The following ELP3 variants were observed in gnomAD, a reference collection of about 807,000 sequenced individuals.
ELP3 encodes the protein elongator complex protein 3.
ELP3 carries 56 observed loss-of-function variants against 74.9 expected under a neutral mutation model. That is an observed-to-expected ratio of 0.75 (90% CI 0.60 to 0.93). The LOEUF is 0.93. Ranked by LOEUF, ELP3 falls within the 40% of genes least tolerant of loss-of-function variation. The pLI, the probability that ELP3 is intolerant of heterozygous loss-of-function variation, is 0.00. For missense variants in ELP3, 573 were observed against 686.5 expected, an observed-to-expected ratio of 0.83 and a Z score of 1.85; for synonymous variants, 222 against 239.8, an observed-to-expected ratio of 0.93 and a Z score of 0.68.
At chr8:28,180,236 C>T (rs1173470972) in intron 14 of ELP3, among the ~76,000 whole-genome samples, 1 of 152,138 alleles carries the variant, frequency 6.6e-6, no homozygotes, top group Non-Finnish European at 1.5e-5. Flanking sequence ...CATTCTCCCT[C>T]ACCTCTCTTC....
chr8:28,156,056 G>C (rs1414478039), intron 11 of ELP3, 24 bp downstream of exon 11: 1 of 1,588,262 alleles, frequency 6.3e-7, no homozygotes, highest in Admixed American at 1.7e-5. Context: ...TGGCGGTCAG[G>C]CCACAACTGT....
Position 28,158,467 on chromosome 8 carries a change from G to A in ELP3, c.1192-101G>A, listed in dbSNP as rs961394816. 8.4e-6 allele frequency: 7 copies of A among 830,034 alleles called. No homozygotes were observed. In the African/African-American group the frequency reaches 8.8e-5, roughly 10 times the overall value. 51.4% of individuals were successfully genotyped at this position (830,034 alleles called of 1,614,324 possible). A position where few individuals can be genotyped will look rare whatever the true frequency, so the allele number is the denominator to read the frequency against. On this transcript the variant is annotated intron_variant, in intron 11 of 14. Transcript: ENST00000256398. ...AACTTAATTTTGAGCCCAGGGTTTG[G>A]TGGAGAGGTTTAAATAAAAATAAAG...
At chr8:28,105,653 T>A (rs960448953) in intron 3 of ELP3, among the ~76,000 whole-genome samples, 4 of 152,232 alleles carry the variant, frequency 2.6e-5, no homozygotes, top group African/African-American at 9.6e-5. Context: ...CCATTTGTAT[T>A]TATTTATCAG....
intron 7 of ELP3, among the ~76,000 whole-genome samples, chr8:28,122,142 G>A (rs187122545): frequency 4.1e-4 from 63 of 152,096 alleles, no homozygotes; most frequent in African/African-American, 1.5e-3. Flanking sequence ...CACATGCCTA[G>A]GATAAACCCT....
intron 1 of ELP3, among the ~76,000 whole-genome samples, chr8:28,096,421 T>TG (rs1224856577): frequency 6.6e-6 from 1 of 152,276 alleles, no homozygotes; most frequent in East Asian, 1.9e-4. Context: ...ACCACTGCTC[T>TG]ACAGGTGAGA....
chr8:28,103,541 C>T (rs1035042197), intron 3 of ELP3, among the ~76,000 whole-genome samples: 4 of 152,196 alleles, frequency 2.6e-5, no homozygotes, highest in Admixed American at 1.3e-4. Flanking sequence ...CCTACATTTT[C>T]AGCTTACTTG....
chr8:28,167,468 A>T (rs1814352536), intron 14 of ELP3, among the ~76,000 whole-genome samples: 1 of 152,206 alleles, frequency 6.6e-6, no homozygotes, highest in South Asian at 2.1e-4. Context: ...GTTTCAGGAG[A>T]AGATAGTTTT....
intron 7 of ELP3, chr8:28,118,954 G>A (rs1424824836): frequency 6.7e-6 from 1 of 150,020 alleles, no homozygotes; most frequent in Non-Finnish European, 1.5e-5. Flanking sequence ...AAGCTGAAGT[G>A]CTAGGTAATG....
At chr8:28,187,767 G>A (rs968573905) in intron 14 of ELP3, among the ~76,000 whole-genome samples, 2 of 152,144 alleles carry the variant, frequency 1.3e-5, no homozygotes, top group African/African-American at 2.4e-5. Context: ...GGGAGCTTGC[G>A]GGGCAGGTTA....
intron 8 of ELP3, among the ~76,000 whole-genome samples, chr8:28,130,696 C>A (rs945406009): frequency 6.6e-6 from 1 of 152,130 alleles, no homozygotes; most frequent in Non-Finnish European, 1.5e-5. Flanking sequence ...GGGGAGCTTT[C>A]TGAAGAATAC....
At chr8:28,123,568 T>C (rs1016887981) in intron 7 of ELP3, among the ~76,000 whole-genome samples, 2 of 152,220 alleles carry the variant, frequency 1.3e-5, no homozygotes, top group Admixed American at 6.5e-5. Flanking sequence ...TAAATTTTGT[T>C]TTTTATTCTT....
intron 10 of ELP3, 49 bp from the exon 11 acceptor site, chr8:28,155,893 G>A: frequency 1.4e-6 from 2 of 1,462,322 alleles, no homozygotes; most frequent in Non-Finnish European, 1.9e-6. Flanking sequence ...TACTGCTGTG[G>A]AGAATGATTT....
chr8:28,114,830 G>A (rs1483165362), intron 7 of ELP3, among the ~76,000 whole-genome samples: 1 of 152,224 alleles, frequency 6.6e-6, no homozygotes, highest in Non-Finnish European at 1.5e-5. Context: ...GGGAGCAGAT[G>A]AAGGGGAAGT....
At chr8:28,150,105 T>C (rs765326) in intron 10 of ELP3, among the ~76,000 whole-genome samples, 90,529 of 152,056 alleles carry the variant, frequency 0.6, 28,276 homozygotes, top group East Asian at 0.91. Context: ...CCTCCTGTCC[T>C]GTGTGTCATT....
At chr8:28,135,175 G>A (rs1408860278) in intron 9 of ELP3, among the ~76,000 whole-genome samples, 2 of 152,228 alleles carry the variant, frequency 1.3e-5, no homozygotes, top group South Asian at 4.1e-4. Context: ...TGATCCGCCC[G>A]CCTCTGCCTC....
intron 11 of ELP3, among the ~76,000 whole-genome samples, chr8:28,157,465 A>C (rs965597768): frequency 5.3e-5 from 8 of 152,196 alleles, no homozygotes; most frequent in African/African-American, 1.9e-4. Flanking sequence ...GTTTTTGTTT[A>C]CTGGAATTCA....
intron 11 of ELP3, among the ~76,000 whole-genome samples, chr8:28,156,436 C>T (rs756613040): frequency 4.6e-5 from 7 of 152,148 alleles, no homozygotes; most frequent in African/African-American, 1.7e-4. Flanking sequence ...CCCACATATA[C>T]CAGTCTCCTA....
intron 10 of ELP3, among the ~76,000 whole-genome samples, chr8:28,144,209 A>T (rs1274609416): frequency 1.3e-5 from 2 of 152,208 alleles, no homozygotes; most frequent in Non-Finnish European, 2.9e-5. Context: ...AACGAATAGG[A>T]GACTAGGGAA....
intron 10 of ELP3, 52 bp downstream of exon 10, chr8:28,137,943 A>C (rs1813059687): frequency 4.2e-6 from 6 of 1,440,706 alleles, no homozygotes; most frequent in Non-Finnish European, 5.5e-6. Flanking sequence ...TCTGTTTACT[A>C]TTTCTCATGG....
Sources: allele counts gnomAD v4.1 joint callset (sites outside exome capture counted in the v4.1 genomes callset), GRCh38; gene constraint gnomAD v4.1.1; transcripts MANE v1.5; gene names NCBI Gene and HGNC (gene_info 2026-07-23, HGNC 2026-07-21).